Variants in ARHGAP6 observed in about 807,000 individuals in gnomAD.
The protein encoded by ARHGAP6 is Rho GTPase activating protein 6, also known as rho GTPase-activating protein 6.
A neutral mutation model predicts 55.7 loss-of-function variants in ARHGAP6; 16 were observed. The ratio of observed to expected loss-of-function variants is 0.29; its 90% CI spans 0.19 to 0.44. The LOEUF (loss-of-function observed/expected upper bound fraction) is 0.44. ARHGAP6 is among the 20% of genes least tolerant of loss of function. ARHGAP6 has a pLI of 1.00. For synonymous variants in ARHGAP6, 382 were observed against 360.9 expected (o/e 1.06, Z -0.66); for missense variants, 698 against 808.9 (o/e 0.86, Z 1.66).
chrX:11,470,573 C>T (rs1010028814), intron 1 of ARHGAP6, among the ~76,000 whole-genome samples: 4 of 112,764 alleles, frequency 3.5e-5, no homozygotes, highest in African/African-American at 1.3e-4. Flanking sequence ...GTCCTCAACT[C>T]AAAGCCTTTT....
At chrX:11,289,966 C>G (rs2047967663) in intron 1 of ARHGAP6, among the ~76,000 whole-genome samples, 1 of 112,129 alleles carries the variant, frequency 8.9e-6, no homozygotes, top group African/African-American at 3.2e-5. Context: ...GCCTGGGCGA[C>G]AGAGCGAGAC....
chrX:11,179,661 GTATA>G (rs991741408), intron 6 of ARHGAP6, among the ~76,000 whole-genome samples: 1 of 104,276 alleles, frequency 9.6e-6, no homozygotes, highest in African/African-American at 3.5e-5. Context: ...ACATATATAT[GTATA>G]TATATGAGTA....
chrX:11,554,189 C>T (rs887428906), intron 1 of ARHGAP6, among the ~76,000 whole-genome samples: 16 of 111,535 alleles, frequency 1.4e-4, no homozygotes, highest in Non-Finnish European at 5.6e-5. Flanking sequence ...AAATATGCCA[C>T]GCACGGAAAG....
chrX:11,225,630 T>G, intron 2 of ARHGAP6: 1 of 425,686 alleles, frequency 2.3e-6, no homozygotes. Context: ...GTATTAAAAT[T>G]TATCCGATTT....
intron 1 of ARHGAP6, among the ~76,000 whole-genome samples, chrX:11,417,465 C>T (rs1369358127): frequency 9.1e-6 from 1 of 109,296 alleles, no homozygotes; most frequent in South Asian, 4.0e-4. Context: ...CAGAACTGCA[C>T]GCATATATAC....
chrX:11,169,773 C>T (rs1256807553), intron 8 of ARHGAP6, 89 bp from the exon 9 acceptor site: 6 of 597,826 alleles, frequency 1.0e-5, no homozygotes, highest in Non-Finnish European at 1.2e-5. Context: ...TTTTACTCTC[C>T]TTTTTTTTTT....
At chrX:11,239,953 G>T (rs2047251439) in intron 2 of ARHGAP6, among the ~76,000 whole-genome samples, 1 of 111,323 alleles carries the variant, frequency 9.0e-6, no homozygotes, top group East Asian at 2.8e-4. Flanking sequence ...TTTCTTTGTG[G>T]CTTTCAAGCC....
intron 1 of ARHGAP6, among the ~76,000 whole-genome samples, chrX:11,521,466 G>T (rs1290654933): frequency 8.9e-6 from 1 of 111,792 alleles, no homozygotes; most frequent in Non-Finnish European, 1.9e-5. Context: ...TCAGATAGTT[G>T]TAGATGTGTG....
intron 1 of ARHGAP6, among the ~76,000 whole-genome samples, chrX:11,520,776 C>G (rs369959248): frequency 8.9e-6 from 1 of 111,767 alleles, no homozygotes; most frequent in South Asian, 3.7e-4. Context: ...ACAGTCCCAA[C>G]AACGGTGTAA....
chrX:11,161,416 C>A (rs1480999977), intron 9 of ARHGAP6, among the ~76,000 whole-genome samples: 1 of 101,541 alleles, frequency 9.8e-6, no homozygotes, highest in Non-Finnish European at 2.1e-5. Context: ...AATTAGGATG[C>A]TGTAAAAAAA....
chrX:11,368,674 T>C (rs1025489204), intron 1 of ARHGAP6, among the ~76,000 whole-genome samples: 60 of 112,140 alleles, frequency 5.4e-4, no homozygotes, highest in Non-Finnish European at 1.9e-4. Flanking sequence ...TCTAATTTTA[T>C]GTTTCCTAAT....
chrX:11,317,715 C>T (rs891674428), intron 1 of ARHGAP6, among the ~76,000 whole-genome samples: 20 of 111,525 alleles, frequency 1.8e-4, no homozygotes, highest in Non-Finnish European at 2.4e-4. Context: ...GAAATGACAC[C>T]GGCCCCACCT....
At chrX:11,485,046 A>T (rs1190078077) in intron 1 of ARHGAP6, among the ~76,000 whole-genome samples, 1 of 111,599 alleles carries the variant, frequency 9.0e-6, no homozygotes, top group Non-Finnish European at 1.9e-5. Flanking sequence ...ACAAAAAAAA[A>T]ACATATCACT....
At chrX:11,321,060 G>A (rs1457060818) in intron 1 of ARHGAP6, among the ~76,000 whole-genome samples, 1 of 111,553 alleles carries the variant, frequency 9.0e-6, no homozygotes, top group African/African-American at 3.3e-5. Flanking sequence ...AAATAAAGCT[G>A]TTACTACAAA....
chrX:11,282,827 GT>G (rs1156622109), intron 1 of ARHGAP6, among the ~76,000 whole-genome samples: 1 of 112,209 alleles, frequency 8.9e-6, no homozygotes, highest in Non-Finnish European at 1.9e-5. Context: ...TATAGTCTAT[GT>G]TGAGAAACAC....
chrX:11,563,891 T>C (rs1158246924), intron 1 of ARHGAP6, among the ~76,000 whole-genome samples: 1 of 111,595 alleles, frequency 9.0e-6, no homozygotes, highest in Non-Finnish European at 1.9e-5. Context: ...TTCAGTAACA[T>C]GTCTCCGAGT....
intron 1 of ARHGAP6, among the ~76,000 whole-genome samples, chrX:11,464,924 C>A (rs1013620390): frequency 8.9e-6 from 1 of 111,954 alleles, no homozygotes; most frequent in African/African-American, 3.2e-5. Context: ...AAGTCAGAAC[C>A]GGCTTCCAAG....
chrX:11,463,023 T>C (rs1445954806), intron 1 of ARHGAP6, among the ~76,000 whole-genome samples: 2 of 112,430 alleles, frequency 1.8e-5, no homozygotes, highest in African/African-American at 6.5e-5. Flanking sequence ...TGGGTATCCA[T>C]CTTTTTACTT....
At chrX:11,288,055 C>G (rs1348924353) in intron 1 of ARHGAP6, among the ~76,000 whole-genome samples, 2 of 112,181 alleles carry the variant, frequency 1.8e-5, no homozygotes, top group East Asian at 5.6e-4. Flanking sequence ...AAACTGACCA[C>G]CCTATTGAAA....
Sources: gnomAD v4.1 joint callset for allele counts (sites outside exome capture counted in the v4.1 genomes callset) on GRCh38, gnomAD v4.1.1 for gene constraint, MANE v1.5 for transcripts, NCBI Gene and HGNC (gene_info 2026-07-23, HGNC 2026-07-21) for gene names.